The following LEUTX variants were observed in gnomAD, a reference collection of about 807,000 sequenced individuals.
LEUTX encodes leucine twenty homeobox, also known as paired-like homeodomain transcription factor LEUTX.
In LEUTX, 5 loss-of-function variants were observed where a neutral mutation model predicts 4.5. That is an observed-to-expected ratio of 1.11 (90% confidence interval 0.58 to 2.34). LEUTX has a LOEUF of 2.34. Among genes scored for constraint, LEUTX ranks in the 30% most tolerant of loss-of-function variants. The pLI is 0.01. For missense variants in LEUTX, 233 were observed against 239.4 expected (o/e 0.97, Z 0.18); for synonymous variants, 89 against 85.1 (o/e 1.05, Z -0.25).
Position 39,786,058 on chromosome 19 carries a change from G to A in LEUTX, c.520G>A (p.Glu174Lys). 5 of 1,551,508 alleles carry A rather than the reference G, an allele frequency of 3.2e-6. No individual in the cohort carries two copies. Among genetic ancestry groups the A allele is most frequent in the Non-Finnish European group, 3.5e-6 (4 of 1,146,932 alleles). Residue 174 changes from glutamate to lysine, a missense_variant, in exon 3 of 3, where the codon GAA (glutamate) becomes AAA (lysine). Glu to Lys is a moderately conservative substitution (Grantham distance 56). Transcript: ENST00000638280. Reference protein sequence around the residue: ...EFVKIYDLPGEDDTSSLNQYL... With the variant: ...EFVKIYDLPGKDDTSSLNQYL... ...TGTAAAGATCTATGACTTGCCAGGG[G>A]AAGATGACACCAGCAGCCTAAATCA...
upstream of LEUTX, among the ~76,000 whole-genome samples, chr19:39,778,216 A>C (rs1232774036): frequency 1.3e-5 from 2 of 152,216 alleles, no homozygotes; most frequent in Non-Finnish European, 2.9e-5. Flanking sequence ...CAGAGGAAAG[A>C]AAGAAGCATG....
upstream of LEUTX, among the ~76,000 whole-genome samples, chr19:39,778,516 G>T (rs1967833047): frequency 6.6e-6 from 1 of 151,906 alleles, no homozygotes; most frequent in Non-Finnish European, 1.5e-5. Flanking sequence ...TCACCTTCCA[G>T]TTTGAATCAT....
rs760579210 is a variant in LEUTX, at chr19:39,784,512, C to G, written c.8-15C>G. On this transcript the variant is annotated splice_polypyrimidine_tract_variant and intron_variant, in intron 1 of 2. Coordinates refer to ENST00000638280, the MANE Select transcript of LEUTX (RefSeq NM_001382345.1). ...AATTTTTTTAATGAAAGCCTTTTATCTGTTCCCTCTGCAGAAGGGCCAAGG... is the reference window on the plus strand; with the variant it reads ...AATTTTTTTAATGAAAGCCTTTTATGTGTTCCCTCTGCAGAAGGGCCAAGG... 1 of 835,898 alleles carries G rather than the reference C, an allele frequency of 1.2e-6. No individual in the cohort carries two copies. The highest frequency in any genetic ancestry group is 1.4e-5 in the South Asian group (1 of 69,870). The allele number at this position is 835,898 out of a possible 1,614,324, so 51.8% of individuals were successfully genotyped here.
chr19:39,785,465 A>T (rs1967952231), intron 2 of LEUTX, among the ~76,000 whole-genome samples: 1 of 151,890 alleles, frequency 6.6e-6, no homozygotes, highest in Non-Finnish European at 1.5e-5. Context: ...CACTAATAAA[A>T]ACACCCTTCT....
chr19:39,781,002 C>G (rs994497621), intron 1 of LEUTX, among the ~76,000 whole-genome samples: 1 of 152,078 alleles, frequency 6.6e-6, no homozygotes, highest in Admixed American at 6.5e-5. Context: ...CCGTGCCCAG[C>G]CTTATTTCTT....
chr19:39,785,154 G>T (rs1967946732), intron 2 of LEUTX, among the ~76,000 whole-genome samples: 2 of 152,194 alleles, frequency 1.3e-5, no homozygotes, highest in South Asian at 4.1e-4. Context: ...TACTTTCTCT[G>T]GGCACCAGGA....
chr19:39,782,936 T>G (rs1230057742), intron 1 of LEUTX, among the ~76,000 whole-genome samples: 2 of 152,070 alleles, frequency 1.3e-5, no homozygotes, highest in Admixed American at 6.6e-5. Context: ...GTTACATGAG[T>G]AAGTTCTTTA....
At chr19:39,776,843 T>C (rs1967802596), upstream of LEUTX, among the ~76,000 whole-genome samples, 1 of 151,984 alleles carries the variant, frequency 6.6e-6, no homozygotes, top group Non-Finnish European at 1.5e-5. Flanking sequence ...ATCACACCAC[T>C]GCCTGGGTGA....
At chr19:39,782,368 G>T (rs907491728) in intron 1 of LEUTX, among the ~76,000 whole-genome samples, 1 of 152,146 alleles carries the variant, frequency 6.6e-6, no homozygotes, top group Admixed American at 6.6e-5. Flanking sequence ...AGATCTGATG[G>T]TTTTATAAGA....
At chr19:39,783,350 TACATATATATATATAC>T (rs1391648928) in intron 1 of LEUTX, among the ~76,000 whole-genome samples, 3 of 101,096 alleles carry the variant, frequency 3.0e-5, no homozygotes, top group East Asian at 2.5e-4. Context: ...TATATATATA[TACATATATATATATAC>T]ACACACACAC....
intron 1 of LEUTX, among the ~76,000 whole-genome samples, chr19:39,782,284 G>T (rs1967898121): frequency 6.6e-6 from 1 of 152,158 alleles, no homozygotes; most frequent in Admixed American, 6.5e-5. Flanking sequence ...TTGTGGGAAG[G>T]ATCCGGTGGG....
chr19:39,776,487 G>A (rs930427541), upstream of LEUTX: 3 of 408,570 alleles, frequency 7.3e-6, no homozygotes, highest in African/African-American at 4.2e-5. Flanking sequence ...GTTCTGACCT[G>A]GCCTGGGGCG....
At chr19:39,784,485 C>A in intron 1 of LEUTX, 42 bp from the exon 2 acceptor site, 3 of 734,988 alleles carry the variant, frequency 4.1e-6, no homozygotes, top group East Asian at 2.7e-5. Context: ...CATTTCCTTC[C>A]GAATTTTTTT....
In LEUTX at chr19:39,783,798, A is replaced by T. The variant is rs145971668; in HGVS notation, c.8-729A>T. On this transcript the variant is annotated intron_variant, in intron 1 of 2. Coordinates refer to ENST00000638280, the MANE Select transcript of LEUTX (RefSeq NM_001382345.1). ...CTTTTGAGAATTATCTATTCATGTC[A>T]TTCATGTCCTTAGCCCACTTTTTGA... is the stretch of plus-strand genomic sequence containing the variant. Among the ~76,000 whole-genome samples, 714 of 142,902 alleles carry T rather than the reference A, an allele frequency of 5.0e-3. 4 individuals carry two copies. Among genetic ancestry groups the T allele is most frequent in the Non-Finnish European group, 7.4e-3 (501 of 67,848 alleles). 93.7% of individuals were successfully genotyped at this position (142,902 alleles called of 152,430 possible).
At chr19:39,780,599 C>T (rs973142361) in intron 1 of LEUTX, among the ~76,000 whole-genome samples, 27 of 152,082 alleles carry the variant, frequency 1.8e-4, no homozygotes, top group Non-Finnish European at 2.8e-4. Context: ...TGCTGGACAT[C>T]CCTGAGCAGA....
At chr19:39,779,935 AC>A (rs1967860069) in intron 1 of LEUTX, among the ~76,000 whole-genome samples, 1 of 152,084 alleles carries the variant, frequency 6.6e-6, no homozygotes, top group African/African-American at 2.4e-5. Context: ...AATTGCTTGA[AC>A]CTGGGAGGCA....
chr19:39,782,220 A>G (rs55826529), intron 1 of LEUTX, among the ~76,000 whole-genome samples: 2,718 of 152,234 alleles, frequency 0.018, 82 homozygotes, highest in African/African-American at 0.06. Flanking sequence ...TTCTATCTCA[A>G]TAAGGACTCA....
At chr19:39,777,464 C>A (rs938495157), upstream of LEUTX, among the ~76,000 whole-genome samples, 1 of 152,176 alleles carries the variant, frequency 6.6e-6, no homozygotes, top group Non-Finnish European at 1.5e-5. Flanking sequence ...TTAAGTTCTG[C>A]AAAATTCCCT....
upstream of LEUTX, chr19:39,776,463 C>G: frequency 2.7e-6 from 1 of 363,684 alleles, no homozygotes; most frequent in South Asian, 2.0e-5. Context: ...GGAGTGCTGC[C>G]GCACCACACA....
Sources: allele counts gnomAD v4.1 joint callset (sites outside exome capture counted in the v4.1 genomes callset), GRCh38; gene constraint gnomAD v4.1.1; transcripts MANE v1.5; gene names NCBI Gene and HGNC (gene_info 2026-07-23, HGNC 2026-07-21).